Variants in NFIB observed in about 807,000 individuals in gnomAD.
The protein encoded by NFIB is nuclear factor I B.
Under a neutral mutation model 61.5 loss-of-function variants are expected in NFIB, and 11 were observed. That is an observed-to-expected ratio of 0.18 (90% CI 0.11 to 0.30). The LOEUF (loss-of-function observed/expected upper bound fraction) is 0.30. Among genes scored for constraint, NFIB ranks in the 10% least tolerant of loss-of-function variants. NFIB has a pLI of 1.00. For missense variants in NFIB, 471 were observed against 608.9 expected (o/e 0.77, Z 2.38); for synonymous variants, 260 against 216.5 (o/e 1.20, Z -1.76).
chr9:14,486,393 C>T, the NFIB span, among the ~76,000 whole-genome samples: 1 of 152,166 alleles, frequency 6.6e-6, no homozygotes, highest in South Asian at 2.1e-4. Context: ...GATTCGTTGT[C>T]AAGGAAATCA....
At chr9:14,410,657 T>C in the NFIB span, among the ~76,000 whole-genome samples, 2 of 152,198 alleles carry the variant, frequency 1.3e-5, no homozygotes, top group East Asian at 3.9e-4. Flanking sequence ...AGAGAGAAAG[T>C]ACACTTGAGT....
At chr9:14,317,817 C>T (rs778508190), upstream of NFIB, among the ~76,000 whole-genome samples, 5 of 152,214 alleles carry the variant, frequency 3.3e-5, no homozygotes, top group Non-Finnish European at 7.3e-5. Flanking sequence ...CACTTGTCCA[C>T]CACCTTTGGT....
the NFIB span, among the ~76,000 whole-genome samples, chr9:14,450,608 G>A: frequency 6.6e-6 from 1 of 152,008 alleles, no homozygotes; most frequent in Non-Finnish European, 1.5e-5. Context: ...CCTCTACACT[G>A]CATTGAGAGA....
intron 1 of NFIB, chr9:14,322,486 G>A (rs2060686380): frequency 8.7e-6 from 2 of 229,010 alleles, no homozygotes; most frequent in East Asian, 6.1e-5. Flanking sequence ...GGGCTGCCCC[G>A]GAACCGCCAC....
chr9:14,208,611 T>C (rs563117023), intron 2 of NFIB, among the ~76,000 whole-genome samples: 31 of 151,438 alleles, frequency 2.0e-4, no homozygotes, highest in African/African-American at 7.5e-4. Context: ...TTTGATAGAG[T>C]GGTATAAAAT....
At chr9:14,513,727 T>G in the NFIB span, among the ~76,000 whole-genome samples, 4 of 152,112 alleles carry the variant, frequency 2.6e-5, no homozygotes, top group Non-Finnish European at 5.9e-5. Flanking sequence ...TTGATGATCC[T>G]ATAAGTTTTG....
At chr9:14,445,318 T>C in the NFIB span, among the ~76,000 whole-genome samples, 4 of 152,100 alleles carry the variant, frequency 2.6e-5, no homozygotes, top group Non-Finnish European at 5.9e-5. Context: ...ATGGCTAGAA[T>C]CTACAGTACA....
chr9:14,292,130 T>C (rs2059145016), intron 2 of NFIB, among the ~76,000 whole-genome samples: 1 of 152,226 alleles, frequency 6.6e-6, no homozygotes, highest in Non-Finnish European at 1.5e-5. Context: ...ATTGCTGCCA[T>C]GTTTTCACGA....
At chr9:14,491,418 A>C in the NFIB span, among the ~76,000 whole-genome samples, 2 of 152,220 alleles carry the variant, frequency 1.3e-5, no homozygotes, top group African/African-American at 4.8e-5. Context: ...AAAATGTAAA[A>C]TGTCAGGAAG....
chr9:14,438,723 G>C, the NFIB span, among the ~76,000 whole-genome samples: 21 of 152,132 alleles, frequency 1.4e-4, no homozygotes, highest in African/African-American at 4.8e-4. Flanking sequence ...CGATCTGGTG[G>C]GCCAGGCCTC....
At chr9:14,189,567 T>C (rs973020230) in intron 2 of NFIB, among the ~76,000 whole-genome samples, 2 of 150,018 alleles carry the variant, frequency 1.3e-5, no homozygotes, top group African/African-American at 4.9e-5. Context: ...TAATGTTCTT[T>C]AAGGTTTAAT....
chr9:14,439,602 G>C, the NFIB span, among the ~76,000 whole-genome samples: 3 of 152,206 alleles, frequency 2.0e-5, no homozygotes, highest in African/African-American at 7.2e-5. Flanking sequence ...CCTCAGGCCA[G>C]AAAGAGGGGG....
At chr9:14,196,669 C>A (rs1192932431) in intron 2 of NFIB, among the ~76,000 whole-genome samples, 1 of 138,530 alleles carries the variant, frequency 7.2e-6, no homozygotes, top group African/African-American at 2.7e-5. Flanking sequence ...ATTTTACTCC[C>A]AATTCTCTTA....
At chr9:14,404,937 G>C in the NFIB span, among the ~76,000 whole-genome samples, 1 of 152,158 alleles carries the variant, frequency 6.6e-6, no homozygotes, top group African/African-American at 2.4e-5. Context: ...TTTGGCTGAG[G>C]TTCCAGTTTA....
rs1242805351 is a variant in NFIB at position 14,338,546 on chromosome 9, T to C, written c.109-31026A>G. Among the ~76,000 whole-genome samples, 4 of 152,358 alleles carry C rather than the reference T, an allele frequency of 2.6e-5. No homozygotes were observed. The East Asian group carries it at 7.7e-4, about 29-fold the overall frequency. ...GACCTAACATCTGAGCTTCCCTTTA[T>C]TTTATCTACAGAAGTGAAGGCTAAT... On this transcript the variant is annotated intron_variant, in intron 1 of 8. Coordinates refer to the NFIB transcript ENST00000380934.
the NFIB span, among the ~76,000 whole-genome samples, chr9:14,465,706 C>A: frequency 6.6e-6 from 1 of 152,100 alleles, no homozygotes; most frequent in African/African-American, 2.4e-5. Context: ...TACCTACAGT[C>A]ACCAGGATGC....
intron 2 of NFIB, among the ~76,000 whole-genome samples, chr9:14,288,399 G>A (rs1401497119): frequency 6.6e-6 from 1 of 152,030 alleles, no homozygotes; most frequent in African/African-American, 2.4e-5. Flanking sequence ...TGGCATCTGT[G>A]TTAAAATTCC....
At chr9:14,428,057 C>A in the NFIB span, among the ~76,000 whole-genome samples, 1 of 146,184 alleles carries the variant, frequency 6.8e-6, no homozygotes, top group Non-Finnish European at 1.5e-5. Context: ...GTGATCCTCC[C>A]ACCTCAGCTT....
chr9:14,527,217 G>A, the NFIB span, among the ~76,000 whole-genome samples: 1 of 152,112 alleles, frequency 6.6e-6, no homozygotes, highest in Non-Finnish European at 1.5e-5. Context: ...TAATTTCTCT[G>A]TGACAAAATT....
Sources: gnomAD v4.1 joint callset for allele counts (sites outside exome capture counted in the v4.1 genomes callset) on GRCh38, gnomAD v4.1.1 for gene constraint, MANE v1.5 for transcripts, NCBI Gene and HGNC (gene_info 2026-07-23, HGNC 2026-07-21) for gene names.